The following HYKK variants were observed in gnomAD, a reference collection of about 807,000 sequenced individuals.
HYKK encodes the protein hydroxylysine kinase.
In HYKK, 19 loss-of-function variants were observed where a neutral mutation model predicts 29.7. The ratio of observed to expected loss-of-function variants is 0.64; its 90% CI spans 0.45 to 0.94. The LOEUF is 0.94. Among genes scored for constraint, HYKK ranks in the 40% least tolerant of loss-of-function variants. HYKK has a pLI of 0.00. For synonymous variants in HYKK, 152 were observed against 158.1 expected, an observed-to-expected ratio of 0.96 and a Z score of 0.29; for missense variants, 390 against 443.4, an observed-to-expected ratio of 0.88 and a Z score of 1.08.
intron 4 of HYKK, among the ~76,000 whole-genome samples, chr15:78,531,143 G>A (rs1055682709): frequency 6.6e-5 from 10 of 152,208 alleles, no homozygotes; most frequent in Non-Finnish European, 1.0e-4. Context: ...GATTACAGGC[G>A]TGAATCACCA....
intron 4 of HYKK, among the ~76,000 whole-genome samples, chr15:78,530,924 C>G (rs1273128862): frequency 6.6e-6 from 1 of 152,096 alleles, no homozygotes; most frequent in Non-Finnish European, 1.5e-5. Flanking sequence ...GGCTGGAGTT[C>G]AGTGGCGTGA....
rs983875066 is a variant in HYKK at position 78,534,073 on chromosome 15, TA to T, written c.*404del. 4.4e-5 allele frequency: 7 copies of T among 158,814 alleles called. No individual in the cohort carries two copies. Among genetic ancestry groups the T allele is most frequent in the African/African-American group, 1.7e-4 (7 of 41,180 alleles). 9.8% of individuals were successfully genotyped at this position (158,814 alleles called of 1,614,324 possible). A position where few individuals can be genotyped will look rare whatever the true frequency, so the allele number is the denominator to read the frequency against. On this transcript the variant is annotated 3_prime_UTR_variant, in exon 5 of 5. Transcript: ENST00000388988. ...TAACATACTGACCTAGATAACATACTACCAGTTCTATGAAACCTCCTCTGAT... is the reference window on the plus strand; with the variant it reads ...TAACATACTGACCTAGATAACATACTCCAGTTCTATGAAACCTCCTCTGAT...
Position 78,527,414 on chromosome 15 carries a change from G to A in HYKK, c.512G>A (p.Arg171Gln), listed in dbSNP as rs767198524. The change falls in exon 4 of 5, where the codon CGG (arginine) becomes CAG (glutamine). Residue 171 changes from arginine to glutamine, a missense_variant. By Grantham distance (43) the Arg-to-Gln change is conservative (BLOSUM62 1). Coordinates refer to ENST00000388988, the MANE Select transcript of HYKK (RefSeq NM_001013619.4). ...CACCCAAAGTTAAGTAGTCTTCATC[G>A]GGAGAACTTCATCTGGAATCTGAAA... is the stretch of plus-strand genomic sequence containing the variant. ...FHHPKLSSLH[R>Q]ENFIWNLKNV... The A allele has an allele frequency of 1.2e-5, 19 of 1,613,922 alleles. No individual in the cohort carries two copies. Among genetic ancestry groups the A allele is most frequent in the African/African-American group, 2.7e-5 (2 of 74,994 alleles).
At chr15:78,514,679 G>A (rs916432782) in intron 2 of HYKK, among the ~76,000 whole-genome samples, 6 of 149,842 alleles carry the variant, frequency 4.0e-5, no homozygotes, top group African/African-American at 1.5e-4. Context: ...CAGAGTTAGG[G>A]CTATAATTTT....
chr15:78,511,253 G>T (rs1016793244), intron 1 of HYKK, among the ~76,000 whole-genome samples: 5 of 152,120 alleles, frequency 3.3e-5, no homozygotes, highest in Non-Finnish European at 7.4e-5. Flanking sequence ...TGGGAAAACA[G>T]CATGAGATTC....
intron 2 of HYKK, 75 bp from the exon 3 acceptor site, chr15:78,514,889 CCTCT>C (rs148681032): frequency 4.3e-5 from 9 of 208,594 alleles, no homozygotes; most frequent in African/African-American, 2.5e-4. Context: ...TATCTAAATA[CCTCT>C]CTCTCTCTCT....
intron 4 of HYKK, chr15:78,528,253 C>G (rs2052277909): frequency 5.7e-6 from 1 of 175,874 alleles, no homozygotes. Context: ...CTACTGTGAA[C>G]TGCGCATGCA....
At chr15:78,531,831 G>A (rs2052315604) in intron 4 of HYKK, among the ~76,000 whole-genome samples, 1 of 152,002 alleles carries the variant, frequency 6.6e-6, no homozygotes, top group African/African-American at 2.4e-5. Context: ...CACTGGGCCC[G>A]GTCAAATTTT....
intron 4 of HYKK, among the ~76,000 whole-genome samples, chr15:78,532,624 G>A (rs780448523): frequency 7.2e-5 from 11 of 151,926 alleles, no homozygotes; most frequent in South Asian, 4.2e-4. Context: ...GTGAAACTCC[G>A]TCTCTACTAA....
At chr15:78,525,729 C>T (rs538179407) in intron 3 of HYKK, among the ~76,000 whole-genome samples, 3 of 151,330 alleles carry the variant, frequency 2.0e-5, no homozygotes, top group Admixed American at 2.0e-4. Context: ...GAACTCCTGA[C>T]CTCAAATGAT....
intron 2 of HYKK, among the ~76,000 whole-genome samples, chr15:78,513,984 G>C (rs917476782): frequency 2.0e-5 from 3 of 151,970 alleles, no homozygotes; most frequent in Non-Finnish European, 4.4e-5. Context: ...TAGAGGCAGG[G>C]TTTCGCCATG....
At chr15:78,518,580 T>C (rs1252134341) in intron 3 of HYKK, 1 of 456,214 alleles carries the variant, frequency 2.2e-6, no homozygotes, top group Non-Finnish European at 4.4e-6. Context: ...TTTTGCTTTT[T>C]CTGGCAGGAG....
chr15:78,510,898 C>A (rs572086359), intron 1 of HYKK, among the ~76,000 whole-genome samples: 1 of 152,082 alleles, frequency 6.6e-6, no homozygotes, highest in Non-Finnish European at 1.5e-5. Context: ...TCTCATGCCC[C>A]TTCCCTGTCA....
At chr15:78,513,863 C>T (rs1440153795) in intron 2 of HYKK, among the ~76,000 whole-genome samples, 1 of 152,160 alleles carries the variant, frequency 6.6e-6, no homozygotes, top group Non-Finnish European at 1.5e-5. Context: ...GCAGTCACAG[C>T]TCACTGCAGC....
In HYKK at chr15:78,515,054, C is replaced by T; in HGVS notation, c.424C>T (p.Gln142Ter). ...CATCGCTGAGCTTCCCGTCAGCCCC[C>T]AGCTATTGTATGAAATTGGAAAACT... is the stretch of plus-strand genomic sequence containing the variant. ...RPIAELPVSP[Q>*]LLYEIGKLAA... is the part of the protein sequence containing the mutation. Residue 142 changes from glutamine to a stop codon, truncating the protein, a stop_gained, in exon 3 of 5, where the codon CAG becomes TAG. Coordinates refer to ENST00000388988, the MANE Select transcript of HYKK (RefSeq NM_001013619.4). LOFTEE classifies it high-confidence loss of function. 6.2e-7 allele frequency: 1 copy of T among 1,603,696 alleles called. No homozygotes were observed. Among genetic ancestry groups the T allele is most frequent in the Non-Finnish European group, 8.5e-7 (1 of 1,174,218 alleles).
Position 78,533,548 on chromosome 15 carries a change from C to A in HYKK, c.1000C>A (p.Leu334Ile). The change falls in exon 5 of 5, where the codon CTC becomes ATC. Residue 334 changes from leucine (L) to isoleucine (I), a missense_variant. Leu to Ile is a conservative substitution (Grantham distance 5, BLOSUM62 2). Coordinates refer to ENST00000388988, the MANE Select transcript of HYKK (RefSeq NM_001013619.4). Reference protein sequence around the residue: ...CQLYPENKDYLMVTAKTGWKH... With the variant: ...CQLYPENKDYIMVTAKTGWKH... The stretch of plus-strand genomic sequence containing the variant: ...GCTATACCCAGAGAACAAAGACTAT[C>A]TCATGGTTACTGCAAAAACCGGGTG... The A allele has an allele frequency of 6.2e-7, 1 of 1,611,998 alleles. No homozygotes were observed. Among genetic ancestry groups the A allele is most frequent in the Non-Finnish European group, 8.5e-7 (1 of 1,178,902 alleles).
Position 78,513,235 on chromosome 15 carries a change from T to C in HYKK, c.147T>C (p.His49=). The change falls in exon 2 of 5, where the codon CAT becomes CAC. Residue 49 remains histidine (H), a synonymous_variant. Transcript: ENST00000388988. ...PLPSYDDQNF[H]VYVSKTKDGP... ...CTAGCTATGATGACCAAAACTTTCA[T>C]GTCTACGTTTCAAAAACCAAAGATG... The C allele has an allele frequency of 6.2e-7, 1 of 1,614,210 alleles. No individual in the cohort carries two copies. The highest frequency in any genetic ancestry group is 1.7e-5 in the Admixed American group (1 of 60,022).
intron 1 of HYKK, among the ~76,000 whole-genome samples, chr15:78,510,479 G>A (rs1218492970): frequency 1.3e-5 from 2 of 152,116 alleles, no homozygotes; most frequent in Non-Finnish European, 1.5e-5. Flanking sequence ...GATTACAGGC[G>A]TGAACCACTG....
intron 3 of HYKK, among the ~76,000 whole-genome samples, chr15:78,520,676 G>C (rs1164312224): frequency 3.3e-5 from 5 of 152,112 alleles, no homozygotes; most frequent in African/African-American, 4.8e-5. Context: ...ATTTCTCAAT[G>C]TTTTCCCCAC....
Sources: allele counts gnomAD v4.1 joint callset (sites outside exome capture counted in the v4.1 genomes callset), GRCh38; gene constraint gnomAD v4.1.1; transcripts MANE v1.5; gene names NCBI Gene and HGNC (gene_info 2026-07-23, HGNC 2026-07-21).